GXYLT2: variants seen among roughly 807,000 people sequenced by gnomAD.
GXYLT2 encodes glucoside xylosyltransferase 2.
A neutral mutation model predicts 45.8 loss-of-function variants in GXYLT2; 53 were observed. That is an observed-to-expected ratio of 1.16 (90% CI 0.93 to 1.46). The LOEUF (loss-of-function observed/expected upper bound fraction) is 1.46, where lower values mean the gene tolerates loss of function less well. Among genes scored for constraint, GXYLT2 ranks in the 40% most tolerant of loss-of-function variants. The pLI is 0.00. For missense variants in GXYLT2, 551 were observed against 544.4 expected (o/e 1.01, Z -0.12); for synonymous variants, 219 against 214.2 (o/e 1.02, Z -0.19).
intron 6 of GXYLT2, among the ~76,000 whole-genome samples, chr3:72,969,936 G>A (rs1710955296): frequency 8.7e-6 from 1 of 115,262 alleles, no homozygotes; most frequent in Non-Finnish European, 1.8e-5. Context: ...AACATTTAAG[G>A]CCCAGCACAG....
At chr3:72,904,486 G>A (rs1021124554) in intron 1 of GXYLT2, among the ~76,000 whole-genome samples, 9 of 152,116 alleles carry the variant, frequency 5.9e-5, no homozygotes, top group African/African-American at 2.2e-4. Flanking sequence ...CACCAGGAGA[G>A]GTTTTATTTT....
intron 3 of GXYLT2, among the ~76,000 whole-genome samples, chr3:72,927,391 A>C (rs890320643): frequency 2.0e-5 from 3 of 152,176 alleles, no homozygotes; most frequent in Non-Finnish European, 2.9e-5. Flanking sequence ...ACAATGTATA[A>C]TCTTCTCTTT....
chr3:72,940,694 G>T (rs1375905877), intron 3 of GXYLT2, among the ~76,000 whole-genome samples: 1 of 152,040 alleles, frequency 6.6e-6, no homozygotes, highest in Non-Finnish European at 1.5e-5. Flanking sequence ...TTGTTTGTTT[G>T]TTTCTGAGAC....
intron 6 of GXYLT2, among the ~76,000 whole-genome samples, chr3:72,969,597 A>G (rs575140016): frequency 1.3e-5 from 2 of 152,274 alleles, no homozygotes; most frequent in East Asian, 3.9e-4. Flanking sequence ...CCAGCCTCAC[A>G]AAGTGCTAGG....
intron 3 of GXYLT2, among the ~76,000 whole-genome samples, chr3:72,934,326 T>C (rs907515831): frequency 6.6e-6 from 1 of 152,012 alleles, no homozygotes; most frequent in Non-Finnish European, 1.5e-5. Context: ...GCTCAAGCAG[T>C]CTGCCCGCCT....
chr3:72,947,257 C>G (rs958988928), intron 3 of GXYLT2, among the ~76,000 whole-genome samples: 1 of 152,098 alleles, frequency 6.6e-6, no homozygotes. Context: ...AGAGAAGACC[C>G]TGGCTGTAGA....
Position 72,920,820 on chromosome 3 carries a change from T to TATGTA in GXYLT2, c.469-1384_469-1383insATGTA, listed in dbSNP as rs1559734879. On this transcript the variant is annotated intron_variant, in intron 2 of 6. Transcript: ENST00000389617. Reference sequence around the variant, plus strand: ...CATGCATATATATATATATATGTATTTTTTTTTTTTTTTAGTCAGAGTCTC... The same window carrying TATGTA: ...CATGCATATATATATATATATGTATTATGTATTTTTTTTTTTTTAGTCAGAGTCTC... 5.4e-3 allele frequency among the ~76,000 whole-genome samples: 532 copies of TATGTA among 97,754 alleles called. 3 individuals are homozygous for TATGTA. The highest frequency in any genetic ancestry group is 0.037 in the African/African-American group (507 of 13,562). 64.1% of individuals were successfully genotyped at this position (97,754 alleles called of 152,430 possible). A position where few individuals can be genotyped will look rare whatever the true frequency, so the allele number is the denominator to read the frequency against.
At chr3:72,934,304 T>C (rs1217860795) in intron 3 of GXYLT2, among the ~76,000 whole-genome samples, 1 of 152,058 alleles carries the variant, frequency 6.6e-6, no homozygotes, top group African/African-American at 2.4e-5. Flanking sequence ...CTGGCTGGTC[T>C]TAAACTCCTG....
At chr3:72,922,180 T>C (rs760396062) in intron 2 of GXYLT2, 24 bp from the exon 3 acceptor site, 1 of 1,609,558 alleles carries the variant, frequency 6.2e-7, no homozygotes, top group East Asian at 2.2e-5. Context: ...TAATCACCCT[T>C]CCCTTGCTTC....
chr3:72,889,907 G>GTTTTTTTT (rs5850087), intron 1 of GXYLT2, among the ~76,000 whole-genome samples: 2 of 118,796 alleles, frequency 1.7e-5, no homozygotes, highest in African/African-American at 3.3e-5. Context: ...TTTTTTTTTT[G>GTTTTTTTT]TTTTTTTTTT....
chr3:72,950,375 C>T (rs1293741921), intron 3 of GXYLT2, among the ~76,000 whole-genome samples: 3 of 152,174 alleles, frequency 2.0e-5, no homozygotes, highest in East Asian at 3.9e-4. Flanking sequence ...GCAGGAGAAT[C>T]GCTTGAACCC....
intron 6 of GXYLT2, among the ~76,000 whole-genome samples, chr3:72,972,783 A>G (rs1255329352): frequency 2.2e-5 from 3 of 134,950 alleles, no homozygotes; most frequent in Non-Finnish European, 4.7e-5. Context: ...AAAAAAAATT[A>G]GCCTGGTGGC....
intron 3 of GXYLT2, among the ~76,000 whole-genome samples, chr3:72,949,344 C>T (rs988750612): frequency 6.6e-6 from 1 of 151,952 alleles, no homozygotes; most frequent in East Asian, 1.9e-4. Flanking sequence ...GTCACTTCTG[C>T]TGGGAAGCTT....
At chr3:72,968,986 G>T (rs1020071142) in intron 6 of GXYLT2, among the ~76,000 whole-genome samples, 1 of 152,020 alleles carries the variant, frequency 6.6e-6, no homozygotes, top group African/African-American at 2.4e-5. Flanking sequence ...CAGGAGAATG[G>T]CATGAACCCA....
At chr3:72,903,124 C>G (rs908061676) in intron 1 of GXYLT2, among the ~76,000 whole-genome samples, 2 of 152,194 alleles carry the variant, frequency 1.3e-5, no homozygotes, top group Non-Finnish European at 2.9e-5. Context: ...AATGGAATAG[C>G]TTTCTCCCTG....
intron 3 of GXYLT2, among the ~76,000 whole-genome samples, chr3:72,954,168 A>G (rs1363056431): frequency 1.3e-5 from 2 of 151,686 alleles, no homozygotes; most frequent in Admixed American, 6.6e-5. Flanking sequence ...TAGTGGTGCT[A>G]TCTTGGTTCA....
chr3:72,933,496 G>A (rs900113040), intron 3 of GXYLT2, among the ~76,000 whole-genome samples: 6 of 152,100 alleles, frequency 3.9e-5, no homozygotes, highest in Non-Finnish European at 7.4e-5. Flanking sequence ...TAGTTCTTTG[G>A]TTGAAAGTGA....
At chr3:72,937,158 A>G (rs1029532310) in intron 3 of GXYLT2, among the ~76,000 whole-genome samples, 7 of 152,232 alleles carry the variant, frequency 4.6e-5, no homozygotes, top group African/African-American at 1.4e-4. Context: ...TGCGAGGAAT[A>G]ACCCACCAGT....
chr3:72,915,634 C>T (rs948390677), intron 2 of GXYLT2, among the ~76,000 whole-genome samples: 12 of 151,730 alleles, frequency 7.9e-5, no homozygotes, highest in Non-Finnish European at 1.5e-4. Flanking sequence ...GTTGGGAGTT[C>T]GAGACCAGCC....
Sources: allele counts gnomAD v4.1 joint callset (sites outside exome capture counted in the v4.1 genomes callset), GRCh38; gene constraint gnomAD v4.1.1; transcripts MANE v1.5; gene names NCBI Gene and HGNC (gene_info 2026-07-23, HGNC 2026-07-21).